The following DNAL1 variants were observed in gnomAD, a reference collection of about 807,000 sequenced individuals.
The protein encoded by DNAL1 is dynein axonemal light chain 1.
DNAL1 carries 17 observed loss-of-function variants against 29.4 expected under a neutral mutation model. The ratio of observed to expected loss-of-function variants is 0.58; its 90% CI spans 0.40 to 0.87. The LOEUF is 0.87. Among genes scored for constraint, DNAL1 ranks in the 40% least tolerant of loss-of-function variants. The pLI, the probability that DNAL1 is intolerant of heterozygous loss-of-function variation, is 0.00. For synonymous variants in DNAL1, 78 were observed against 76.3 expected, an observed-to-expected ratio of 1.02 and a Z score of -0.12; for missense variants, 188 against 214.1, an observed-to-expected ratio of 0.88 and a Z score of 0.76.
chr14:73,668,611 A>G (rs1315169490), intron 4 of DNAL1, among the ~76,000 whole-genome samples: 1 of 152,104 alleles, frequency 6.6e-6, no homozygotes, highest in Admixed American at 6.6e-5. Context: ...GTTGTGATCA[A>G]GATGTCAGTG....
chr14:73,665,880 G>C (rs1242703575), intron 4 of DNAL1, among the ~76,000 whole-genome samples: 1 of 152,010 alleles, frequency 6.6e-6, no homozygotes, highest in Non-Finnish European at 1.5e-5. Flanking sequence ...TTCTAACTTG[G>C]GTCAGTTGGT....
chr14:73,650,393 GA>G (rs1263620078), intron 1 of DNAL1, among the ~76,000 whole-genome samples: 1 of 152,080 alleles, frequency 6.6e-6, no homozygotes, highest in Non-Finnish European at 1.5e-5. Flanking sequence ...TGCAGATGTG[GA>G]ACCTGAGGAT....
chr14:73,689,189 A>G (rs1006710190), intron 6 of DNAL1, among the ~76,000 whole-genome samples, 186 bp from the exon 7 acceptor site: 3 of 151,916 alleles, frequency 2.0e-5, no homozygotes, highest in African/African-American at 7.3e-5. Flanking sequence ...GCCCACCACT[A>G]TGCCTGGCTT....
chr14:73,677,032 G>T (rs1157454489), intron 5 of DNAL1, among the ~76,000 whole-genome samples: 1 of 147,858 alleles, frequency 6.8e-6, no homozygotes, highest in African/African-American at 2.5e-5. Flanking sequence ...GTGCAGTGGC[G>T]TGATCTCGGC....
intron 1 of DNAL1, 119 bp from the exon 2 acceptor site, chr14:73,654,728 C>A (rs1891172157): frequency 1.1e-6 from 1 of 930,822 alleles, no homozygotes. Flanking sequence ...CATTGCACTC[C>A]AGCCTGGGTG....
chr14:73,649,977 T>TTTTTG lies in DNAL1; in HGVS notation c.4-4849_4-4845dup, dbSNP rs915936906. 2.9e-4 allele frequency among the ~76,000 whole-genome samples: 44 copies of TTTTTG among 152,230 alleles called. No homozygotes were observed. In the South Asian group the frequency reaches 3.1e-3, roughly 11 times the overall value. Reference sequence around the variant, plus strand: ...TTATTTAAATAGTTGTTATACTGTATTTTTGTTTTGTTTTGTTTTGTTTTG... The same window carrying TTTTTG: ...TTATTTAAATAGTTGTTATACTGTATTTTTGTTTTGTTTTGTTTTGTTTTGTTTTG... On this transcript the variant is annotated intron_variant, in intron 1 of 7. Coordinates refer to ENST00000553645, the MANE Select transcript of DNAL1 (RefSeq NM_031427.4).
At chr14:73,685,391 T>C (rs1008253019) in intron 5 of DNAL1, among the ~76,000 whole-genome samples, 2 of 152,228 alleles carry the variant, frequency 1.3e-5, no homozygotes, top group Non-Finnish European at 2.9e-5. Context: ...GACTGGCTTA[T>C]TTAACTTAGC....
At position 73,695,933 on chromosome 14, in the gene DNAL1, A is replaced by C; in HGVS notation, c.564A>C (p.Glu188Asp). The change falls in exon 8 of 8, where the codon GAA becomes GAC. Residue 188 changes from glutamate (E) to aspartate (D), a missense_variant. Physicochemically the swap from Glu to Asp is conservative, Grantham distance 45 (BLOSUM62 2). Coordinates refer to ENST00000553645, the MANE Select transcript of DNAL1 (RefSeq NM_031427.4). The part of the protein sequence containing the change: ...GTPVIKGDEE[E>D]DN ...CAGTAATTAAAGGGGATGAGGAAGA[A>C]GACAACTAATGCCACGCTTTCCACT... is the stretch of plus-strand genomic sequence containing the variant. The C allele has an allele frequency of 1.3e-6, 2 of 1,590,346 alleles. No individual in the cohort carries two copies. The highest frequency in any genetic ancestry group is 1.7e-6 in the Non-Finnish European group (2 of 1,166,968).
At chr14:73,683,986 C>T (rs1029620156) in intron 5 of DNAL1, among the ~76,000 whole-genome samples, 3 of 152,116 alleles carry the variant, frequency 2.0e-5, no homozygotes, top group African/African-American at 7.2e-5. Context: ...GGATTACAGG[C>T]GTGAGCCACC....
chr14:73,683,160 G>T lies in DNAL1; in HGVS notation c.265-4099G>T, dbSNP rs8010150. ...CAAAGTGCTGGGATTACAGGCGTGA[G>T]CCACCGCGCCCAGCCTACAGTTAGC... On this transcript the variant is annotated intron_variant, in intron 5 of 7. Transcript: ENST00000553645. Among the ~76,000 whole-genome samples, 1,006 of 152,214 alleles carry T rather than the reference G, an allele frequency of 6.6e-3. 14 individuals carry two copies. The highest frequency in any genetic ancestry group is 0.023 in the African/African-American group (943 of 41,504).
chr14:73,662,180 G>A, intron 4 of DNAL1, 138 bp downstream of exon 4: 5 of 683,016 alleles, frequency 7.3e-6, no homozygotes, highest in South Asian at 2.3e-5. Context: ...CATAAACTAT[G>A]TCTTAAGTTT....
At chr14:73,652,078 C>T (rs771219530) in intron 1 of DNAL1, among the ~76,000 whole-genome samples, 9 of 152,072 alleles carry the variant, frequency 5.9e-5, no homozygotes, top group Admixed American at 3.3e-4. Context: ...TGCTTTGTCA[C>T]CCAGGCTGAG....
At chr14:73,658,744 A>G (rs1161180720) in intron 2 of DNAL1, 103 bp from the exon 3 acceptor site, 2 of 779,760 alleles carry the variant, frequency 2.6e-6, no homozygotes, top group Non-Finnish European at 4.1e-6. Flanking sequence ...AAATTCTAGC[A>G]ATTGTCTTGA....
chr14:73,676,448 A>ATG lies in DNAL1; in HGVS notation c.264+4863_264+4864dup, dbSNP rs55813332. Among the ~76,000 whole-genome samples, 17 of 151,736 alleles carry ATG rather than the reference A, an allele frequency of 1.1e-4. No homozygotes were observed. In the East Asian group the frequency reaches 2.3e-3, roughly 21 times the overall value. On this transcript the variant is annotated intron_variant, in intron 5 of 7. Transcript: ENST00000553645. Reference sequence around the variant, plus strand: ...TATACAAATAAATAGCTCTGTGTATATGTGTGTGTGTGTCATATTGTTTGT... The same window carrying ATG: ...TATACAAATAAATAGCTCTGTGTATATGTGTGTGTGTGTGTCATATTGTTTGT...
chr14:73,663,255 G>A (rs1891397162), intron 4 of DNAL1, among the ~76,000 whole-genome samples: 1 of 147,182 alleles, frequency 6.8e-6, no homozygotes, highest in Non-Finnish European at 1.5e-5. Context: ...GCCCAGGCTG[G>A]ATTTCAGTGG....
chr14:73,675,312 G>T (rs879588870), intron 5 of DNAL1, among the ~76,000 whole-genome samples: 1 of 151,164 alleles, frequency 6.6e-6, no homozygotes, highest in Non-Finnish European at 1.5e-5. Context: ...GGAGTGCAGT[G>T]GCATGATTAC....
At chr14:73,677,125 C>A (rs534964080) in intron 5 of DNAL1, among the ~76,000 whole-genome samples, 1 of 152,028 alleles carries the variant, frequency 6.6e-6, no homozygotes, top group African/African-American at 2.4e-5. Flanking sequence ...CGCCCGCCCC[C>A]ACACCTGGCT....
chr14:73,662,144 C>T (rs886508695), intron 4 of DNAL1, 102 bp downstream of exon 4: 1 of 1,004,230 alleles, frequency 1.0e-6, no homozygotes, highest in Non-Finnish European at 1.5e-6. Context: ...CTGTTTTAGC[C>T]ATACTTGTTG....
intron 5 of DNAL1, among the ~76,000 whole-genome samples, chr14:73,685,466 T>TTTC: frequency 6.6e-6 from 1 of 151,548 alleles, no homozygotes; most frequent in East Asian, 1.9e-4. Flanking sequence ...CTTAATTTTT[T>TTTC]TTTTTTTTTT....
Sources: allele counts gnomAD v4.1 joint callset (sites outside exome capture counted in the v4.1 genomes callset), GRCh38; gene constraint gnomAD v4.1.1; transcripts MANE v1.5; gene names NCBI Gene and HGNC (gene_info 2026-07-23, HGNC 2026-07-21).